Variants in LUZP2 observed in about 807,000 individuals in gnomAD.
LUZP2 encodes leucine zipper protein 2.
Under a neutral mutation model 51.6 loss-of-function variants are expected in LUZP2, and 52 were observed. That is an observed-to-expected ratio of 1.01 (90% CI 0.81 to 1.27). The LOEUF is 1.27. LUZP2 is among the 50% of genes most tolerant of loss of function. LUZP2 has a pLI of 0.00. For synonymous variants in LUZP2, 154 were observed against 137.3 expected (o/e 1.12, Z -0.85); for missense variants, 436 against 395.4 (o/e 1.10, Z -0.87).
chr11:24,963,281 T>A (rs1385853152), intron 7 of LUZP2, among the ~76,000 whole-genome samples: 11 of 152,192 alleles, frequency 7.2e-5, no homozygotes, highest in African/African-American at 2.7e-4. Flanking sequence ...GGAGAACCAC[T>A]GCTCTCTTCA....
intron 1 of LUZP2, among the ~76,000 whole-genome samples, chr11:24,537,043 T>A: frequency 6.6e-6 from 1 of 151,888 alleles, no homozygotes; most frequent in East Asian, 1.9e-4. Flanking sequence ...CATTTGTTAG[T>A]TAATTTTGCA....
intron 9 of LUZP2, among the ~76,000 whole-genome samples, chr11:24,996,135 T>C (rs2133933847): frequency 6.6e-6 from 1 of 151,780 alleles, no homozygotes; most frequent in East Asian, 1.9e-4. Flanking sequence ...TGAGTTTTTT[T>C]CGGTCATTTT....
chr11:24,664,340 G>A (rs1856138745), intron 1 of LUZP2, among the ~76,000 whole-genome samples: 1 of 152,136 alleles, frequency 6.6e-6, no homozygotes, highest in Admixed American at 6.5e-5. Flanking sequence ...TTTCTAAGCA[G>A]CAAAGCATTC....
At chr11:24,751,698 A>G (rs2134009937) in intron 4 of LUZP2, among the ~76,000 whole-genome samples, 2 of 149,122 alleles carry the variant, frequency 1.3e-5, no homozygotes, top group Middle Eastern at 6.8e-3. Context: ...CACACAGAGC[A>G]ATTGAAAATT....
intron 1 of LUZP2, among the ~76,000 whole-genome samples, chr11:24,722,000 T>C (rs1245280865): frequency 6.6e-6 from 1 of 152,142 alleles, no homozygotes; most frequent in Non-Finnish European, 1.5e-5. Flanking sequence ...ATTGAAAAAA[T>C]TTATTTATAA....
intron 5 of LUZP2, among the ~76,000 whole-genome samples, chr11:24,768,471 T>C (rs1419215103): frequency 6.6e-6 from 1 of 152,204 alleles, no homozygotes; most frequent in Admixed American, 6.5e-5. Flanking sequence ...AATTACATAG[T>C]TGGAAATACT....
intron 5 of LUZP2, among the ~76,000 whole-genome samples, chr11:24,781,196 T>A (rs565426719): frequency 2.0e-5 from 3 of 152,238 alleles, no homozygotes; most frequent in African/African-American, 7.2e-5. Flanking sequence ...GTGCAGAACA[T>A]GCAGGTTTGT....
intron 10 of LUZP2, among the ~76,000 whole-genome samples, chr11:25,072,626 T>C (rs1432355522): frequency 6.6e-6 from 1 of 152,084 alleles, no homozygotes. Flanking sequence ...TTAGCTATAG[T>C]TGCAGTTTTC....
chr11:24,623,001 A>C (rs943131972), intron 1 of LUZP2, among the ~76,000 whole-genome samples: 1 of 152,158 alleles, frequency 6.6e-6, no homozygotes, highest in Non-Finnish European at 1.5e-5. Context: ...CAAATGTTAC[A>C]TTTCATCAAT....
intron 1 of LUZP2, among the ~76,000 whole-genome samples, chr11:24,527,390 A>T (rs1417090974): frequency 6.6e-6 from 1 of 151,296 alleles, no homozygotes; most frequent in Admixed American, 6.6e-5. Context: ...AATTTTATTT[A>T]TTAAAATATT....
At chr11:24,982,250 G>A (rs181513344) in intron 8 of LUZP2, among the ~76,000 whole-genome samples, 20 of 151,848 alleles carry the variant, frequency 1.3e-4, no homozygotes, top group Admixed American at 5.3e-4. Flanking sequence ...CAGCCATCCC[G>A]TTACTGGGTA....
At chr11:24,549,535 T>G (rs555976158) in intron 1 of LUZP2, among the ~76,000 whole-genome samples, 62 of 152,084 alleles carry the variant, frequency 4.1e-4, no homozygotes, top group Non-Finnish European at 7.8e-4. Flanking sequence ...TATCATCAAG[T>G]GTTATGTACT....
chr11:24,963,907 G>C (rs1315649915), intron 7 of LUZP2, among the ~76,000 whole-genome samples: 1 of 152,138 alleles, frequency 6.6e-6, no homozygotes, highest in Admixed American at 6.5e-5. Context: ...TGGCCATCTT[G>C]GCTCCTCCCC....
At chr11:25,062,816 AT>A (rs1389693259) in intron 10 of LUZP2, among the ~76,000 whole-genome samples, 1 of 151,384 alleles carries the variant, frequency 6.6e-6, no homozygotes, top group Non-Finnish European at 1.5e-5. Context: ...CAGATTAAGC[AT>A]TTTTATATAA....
intron 4 of LUZP2, among the ~76,000 whole-genome samples, chr11:24,749,600 G>C (rs1197032229): frequency 6.6e-6 from 1 of 152,020 alleles, no homozygotes; most frequent in African/African-American, 2.4e-5. Context: ...AGGATAAGCT[G>C]GTTTACAGAT....
chr11:24,992,912 C>T (rs1051359125), intron 9 of LUZP2, among the ~76,000 whole-genome samples: 2 of 152,030 alleles, frequency 1.3e-5, no homozygotes, highest in East Asian at 1.9e-4. Flanking sequence ...CTTCTTGTTC[C>T]TTTATCCAGA....
intron 9 of LUZP2, among the ~76,000 whole-genome samples, chr11:25,046,592 C>T (rs1858320310): frequency 6.6e-6 from 1 of 151,928 alleles, no homozygotes; most frequent in Non-Finnish European, 1.5e-5. Flanking sequence ...CAAGATGAAA[C>T]AATGAATAAC....
At chr11:24,973,394 C>A (rs1855803393) in intron 7 of LUZP2, among the ~76,000 whole-genome samples, 2 of 114,250 alleles carry the variant, frequency 1.8e-5, no homozygotes, top group Non-Finnish European at 3.7e-5. Flanking sequence ...AAAAACAGCT[C>A]CTGGGTTCAT....
intron 5 of LUZP2, among the ~76,000 whole-genome samples, chr11:24,795,859 A>T (rs1345267811): frequency 1.3e-5 from 2 of 152,012 alleles, no homozygotes; most frequent in African/African-American, 2.4e-5. Context: ...TTGCCTGCCT[A>T]ATCCTGTCTG....
Sources: allele counts gnomAD v4.1 joint callset (sites outside exome capture counted in the v4.1 genomes callset), GRCh38; gene constraint gnomAD v4.1.1; transcripts MANE v1.5; gene names NCBI Gene and HGNC (gene_info 2026-07-23, HGNC 2026-07-21).